Variants in ADAMTS20 observed in about 807,000 individuals in gnomAD.
ADAMTS20 encodes the protein A disintegrin and metalloproteinase with thrombospondin motifs 20.
Under a neutral mutation model 260.1 loss-of-function variants are expected in ADAMTS20, and 225 were observed. That is an observed-to-expected ratio of 0.87 (90% CI 0.78 to 0.97). The LOEUF is 0.97. ADAMTS20 is among the 50% of genes least tolerant of loss of function. The probability of loss-of-function intolerance (pLI) is 0.00; values close to 1 mark genes in which losing one functional copy is unlikely to be tolerated. For synonymous variants in ADAMTS20, 802 were observed against 769.5 expected (o/e 1.04, Z -0.70); for missense variants, 2,400 against 2,337.7 (o/e 1.03, Z -0.55).
At chr12:43,531,789 A>G (rs961587315) in intron 3 of ADAMTS20, among the ~76,000 whole-genome samples, 2 of 152,158 alleles carry the variant, frequency 1.3e-5, no homozygotes, top group East Asian at 1.9e-4. Flanking sequence ...CTCACCACAA[A>G]AAAAAGAAAA....
chr12:43,397,242 G>A (rs1037948181), intron 29 of ADAMTS20, among the ~76,000 whole-genome samples: 3 of 152,102 alleles, frequency 2.0e-5, no homozygotes, highest in East Asian at 1.9e-4. Context: ...GTCCATTGTC[G>A]CCAAGAGGAA....
intron 18 of ADAMTS20, among the ~76,000 whole-genome samples, chr12:43,436,766 T>C (rs1483541077): frequency 6.6e-6 from 1 of 152,168 alleles, no homozygotes; most frequent in Non-Finnish European, 1.5e-5. Context: ...TCCCAGCCCA[T>C]TCAGCGCTCA....
At chr12:43,375,172 C>CAAAA (rs58169338) in intron 36 of ADAMTS20, among the ~76,000 whole-genome samples, 26 of 62,282 alleles carry the variant, frequency 4.2e-4, no homozygotes, top group South Asian at 7.5e-4. Flanking sequence ...AACTGCGTCT[C>CAAAA]AAAAAAAAAA....
At chr12:43,487,987 G>A (rs1371767071) in intron 7 of ADAMTS20, among the ~76,000 whole-genome samples, 2 of 152,074 alleles carry the variant, frequency 1.3e-5, no homozygotes, top group East Asian at 1.9e-4. Flanking sequence ...TGTATAGTTT[G>A]GGGAATTGAT....
chr12:43,419,856 A>G (rs1323700964), intron 28 of ADAMTS20, among the ~76,000 whole-genome samples: 1 of 152,130 alleles, frequency 6.6e-6, no homozygotes, highest in Non-Finnish European at 1.5e-5. Context: ...TTGTCTTCAA[A>G]ATTATTTTCT....
intron 16 of ADAMTS20, among the ~76,000 whole-genome samples, chr12:43,441,789 C>T (rs1047979018): frequency 5.3e-5 from 8 of 152,120 alleles, no homozygotes; most frequent in Non-Finnish European, 1.2e-4. Flanking sequence ...TCACCGAAAG[C>T]GCACAATTAT....
intron 3 of ADAMTS20, among the ~76,000 whole-genome samples, chr12:43,513,607 T>C (rs1001377521): frequency 6.6e-6 from 1 of 152,246 alleles, no homozygotes; most frequent in East Asian, 1.9e-4. Flanking sequence ...AAAACACATG[T>C]ACACGTATGT....
intron 28 of ADAMTS20, among the ~76,000 whole-genome samples, chr12:43,416,016 A>G (rs1480389452): frequency 6.6e-6 from 1 of 152,110 alleles, no homozygotes; most frequent in Non-Finnish European, 1.5e-5. Flanking sequence ...ATTACCCATC[A>G]CAGCTTTTCT....
At chr12:43,428,863 C>A (rs577849969) in intron 24 of ADAMTS20, 64 bp from the exon 25 acceptor site, 3 of 1,387,248 alleles carry the variant, frequency 2.2e-6, no homozygotes, top group Non-Finnish European at 2.9e-6. Flanking sequence ...GTCCCTTTTA[C>A]ATAGCTGTTA....
At chr12:43,374,889 A>G (rs1424907841) in intron 36 of ADAMTS20, among the ~76,000 whole-genome samples, 1 of 152,108 alleles carries the variant, frequency 6.6e-6, no homozygotes, top group East Asian at 1.9e-4. Context: ...AAGAGTCCCC[A>G]GCTGGGAGTG....
At chr12:43,491,963 T>C (rs183752376) in intron 6 of ADAMTS20, among the ~76,000 whole-genome samples, 193 of 152,336 alleles carry the variant, frequency 1.3e-3, no homozygotes, top group African/African-American at 4.5e-3. Context: ...CAACCTGACA[T>C]TGCTAATTTC....
intron 29 of ADAMTS20, 142 bp from the exon 30 acceptor site, chr12:43,384,119 A>T: frequency 1.2e-6 from 1 of 827,452 alleles, no homozygotes. Context: ...TACATACAAT[A>T]AGTATTTTTA....
intron 7 of ADAMTS20, among the ~76,000 whole-genome samples, chr12:43,478,363 G>A (rs1241959062): frequency 1.3e-5 from 2 of 151,766 alleles, no homozygotes. Flanking sequence ...CTTGAATGAA[G>A]CACGAAGAGA....
chr12:43,447,066 T>TA (rs898845927), intron 14 of ADAMTS20, among the ~76,000 whole-genome samples: 1 of 151,622 alleles, frequency 6.6e-6, no homozygotes. Context: ...GATGTACAAA[T>TA]AAGAGCTGGT....
chr12:43,551,731 G>T lies in ADAMTS20; in HGVS notation c.91+100C>A. 1.6e-6 allele frequency: 2 copies of T among 1,251,134 alleles called. No homozygotes were observed. Among genetic ancestry groups the T allele is most frequent in the Non-Finnish European group, 2.3e-6 (2 of 873,678 alleles). The allele number at this position is 1,251,134 out of a possible 1,614,324, so 77.5% of individuals were successfully genotyped here. A position where few individuals can be genotyped will look rare whatever the true frequency, so the allele number is the denominator to read the frequency against. On this transcript the variant is annotated intron_variant, in intron 1 of 38. Coordinates refer to ENST00000389420, the MANE Select transcript of ADAMTS20 (RefSeq NM_025003.5). This position sits in a 1 kb window ranked among gnomAD's most constrained non-coding sequence, Gnocchi z 4.6. ...TCCCGGGAGCTCCAGCAGGGCCAGC[G>T]TTCCCCAACGGGCTGAGCCGCTCGT...
Position 43,551,333 on chromosome 12 carries a change from T to C in ADAMTS20, c.92-63A>G. On this transcript the variant is annotated intron_variant, in intron 1 of 38. Transcript: ENST00000389420. This position sits in a 1 kb window ranked among gnomAD's most constrained non-coding sequence, Gnocchi z 4.6. ...GTTCCTCATTGTCCAACTCTAAACT[T>C]CTTCCACCAAACGTCCCCGCTAAAG... 6.5e-7 allele frequency: 1 copy of C among 1,548,904 alleles called. No individual in the cohort carries two copies. Among genetic ancestry groups the C allele is most frequent in the Non-Finnish European group, 8.7e-7 (1 of 1,147,370 alleles).
At chr12:43,419,882 G>A (rs1187362280) in intron 28 of ADAMTS20, among the ~76,000 whole-genome samples, 2 of 152,008 alleles carry the variant, frequency 1.3e-5, no homozygotes, top group Non-Finnish European at 2.9e-5. Flanking sequence ...TCATATCTAG[G>A]ACAAACTATA....
chr12:43,488,646 C>G (rs1367566283), intron 7 of ADAMTS20, among the ~76,000 whole-genome samples: 2 of 152,082 alleles, frequency 1.3e-5, no homozygotes, highest in Non-Finnish European at 2.9e-5. Flanking sequence ...AAGGTAGAAG[C>G]AAAACAGCAG....
intron 28 of ADAMTS20, among the ~76,000 whole-genome samples, 168 bp from the exon 29 acceptor site, chr12:43,399,401 C>T (rs1455096784): frequency 6.6e-6 from 1 of 152,134 alleles, no homozygotes; most frequent in Non-Finnish European, 1.5e-5. Flanking sequence ...CCAATCTGCT[C>T]TGGACCATCA....
Sources: allele counts gnomAD v4.1 joint callset (sites outside exome capture counted in the v4.1 genomes callset), GRCh38; gene constraint gnomAD v4.1.1; non-coding constraint Gnocchi (gnomAD v3.1); transcripts MANE v1.5; gene names NCBI Gene and HGNC (gene_info 2026-07-23, HGNC 2026-07-21).